The following LRRC69 variants were observed in gnomAD, a reference collection of about 807,000 sequenced individuals.
LRRC69 encodes the protein leucine rich repeat containing 69, also known as leucine-rich repeat-containing protein 69.
In LRRC69, 42 loss-of-function variants were observed where a neutral mutation model predicts 37.8. The ratio of observed to expected loss-of-function variants is 1.11; its 90% confidence interval spans 0.87 to 1.44. The LOEUF (loss-of-function observed/expected upper bound fraction) is 1.44. LRRC69 is among the 40% of genes most tolerant of loss of function. The pLI is 0.00. For synonymous variants in LRRC69, 141 were observed against 143.1 expected, an observed-to-expected ratio of 0.99 and a Z score of 0.11; for missense variants, 357 against 401.9, an observed-to-expected ratio of 0.89 and a Z score of 0.96.
chr8:91,196,607 G>A lies in LRRC69; in HGVS notation c.754-4006G>A, dbSNP rs544311419. ...CATTTCATTCATTTCATCTTCCATC[G>A]CTGATACCCTTTCTTCCAGTTGATC... is the stretch of plus-strand genomic sequence containing the variant. On this transcript the variant is annotated intron_variant, in intron 6 of 7. Transcript: ENST00000448384. Among the ~76,000 whole-genome samples the A allele has an allele frequency of 9.1e-3, 1,368 of 151,138 alleles. 15 individuals are homozygous for A. Among genetic ancestry groups the A allele is most frequent in the South Asian group, 0.041 (198 of 4,790 alleles).
intron 7 of LRRC69, among the ~76,000 whole-genome samples, chr8:91,217,609 C>T (rs1199950531): frequency 6.6e-6 from 1 of 152,082 alleles, no homozygotes; most frequent in Non-Finnish European, 1.5e-5. Flanking sequence ...GTTACATGGT[C>T]ATATATTGAG....
At chr8:91,119,397 T>C (rs1007673633) in intron 1 of LRRC69, among the ~76,000 whole-genome samples, 2 of 152,068 alleles carry the variant, frequency 1.3e-5, no homozygotes, top group Non-Finnish European at 2.9e-5. Context: ...TGAAGAATAT[T>C]CCCAGTCGCA....
chr8:91,127,601 CAAAAAAAAAAAAAAA>C (rs554876868), intron 3 of LRRC69, among the ~76,000 whole-genome samples: 5 of 66,570 alleles, frequency 7.5e-5, no homozygotes, highest in Non-Finnish European at 1.3e-4. Context: ...TGTCATTAAC[CAAAAAAAAAAAAAAA>C]AAAAAAAAAA....
At chr8:91,173,443 T>C (rs1478636129) in intron 5 of LRRC69, among the ~76,000 whole-genome samples, 4 of 152,210 alleles carry the variant, frequency 2.6e-5, no homozygotes, top group African/African-American at 9.6e-5. Context: ...TGTATTATTT[T>C]AAAAGTTATC....
intron 3 of LRRC69, among the ~76,000 whole-genome samples, chr8:91,127,958 T>C (rs1813749198): frequency 6.6e-6 from 1 of 152,080 alleles, no homozygotes; most frequent in African/African-American, 2.4e-5. Context: ...TTTCCAAATA[T>C]ATTTTTATAA....
rs564632221 is a variant in LRRC69 at position 91,133,405 on chromosome 8, C to T, written c.579+100C>T. On this transcript the variant is annotated intron_variant, in intron 4 of 7. Transcript: ENST00000448384. ...GATTTGGGTATCTGAGTATAAGCCA[C>T]CACTTGCTTTCTCTCAGATTAAATG... The T allele has an allele frequency of 7.8e-5, 62 of 794,740 alleles. No individual in the cohort carries two copies. The African/African-American group carries it at 1.0e-3, about 13-fold the overall frequency. 49.2% of individuals were successfully genotyped at this position (794,740 alleles called of 1,614,324 possible).
intron 5 of LRRC69, among the ~76,000 whole-genome samples, chr8:91,137,248 C>A (rs1808438436): frequency 6.6e-6 from 1 of 151,946 alleles, no homozygotes; most frequent in Non-Finnish European, 1.5e-5. Context: ...CTCTCTATGT[C>A]CTGCGATGCC....
intron 5 of LRRC69, among the ~76,000 whole-genome samples, chr8:91,159,058 C>A (rs537772551): frequency 6.6e-6 from 1 of 151,064 alleles, no homozygotes; most frequent in Non-Finnish European, 1.5e-5. Flanking sequence ...GATCTATGAC[C>A]AGATATTCTC....
At chr8:91,192,260 G>A (rs940042395) in intron 6 of LRRC69, among the ~76,000 whole-genome samples, 4 of 151,924 alleles carry the variant, frequency 2.6e-5, no homozygotes, top group Non-Finnish European at 5.9e-5. Flanking sequence ...GGACATTTGG[G>A]TTGGTTCCAA....
intron 6 of LRRC69, among the ~76,000 whole-genome samples, chr8:91,197,739 TGTCTGGCACTCCCTAGTGAGA>T (rs934414527): frequency 6.6e-6 from 1 of 151,790 alleles, no homozygotes; most frequent in African/African-American, 2.4e-5. Context: ...CGGCGCCCAC[TGTCTGGCACTCCCTAGTGAGA>T]TGAACCCGGT....
chr8:91,157,859 G>C, intron 5 of LRRC69: 2 of 1,603,706 alleles, frequency 1.2e-6, no homozygotes, highest in Admixed American at 3.4e-5. Flanking sequence ...AGAGCAGAAT[G>C]TTTCAAATGC....
chr8:91,134,950 T>C (rs1244066356), intron 4 of LRRC69, among the ~76,000 whole-genome samples: 1 of 151,990 alleles, frequency 6.6e-6, no homozygotes, highest in Non-Finnish European at 1.5e-5. Flanking sequence ...ATGCAAAGAT[T>C]TGAAAAAGAC....
chr8:91,158,166 C>A, intron 5 of LRRC69: 1 of 1,603,860 alleles, frequency 6.2e-7, no homozygotes, highest in Non-Finnish European at 8.5e-7. Context: ...CCAGAAAGAT[C>A]TGGAGCTGGA....
At chr8:91,203,359 G>A (rs80084943) in intron 7 of LRRC69, among the ~76,000 whole-genome samples, 1,947 of 152,040 alleles carry the variant, frequency 0.013, 49 homozygotes, top group African/African-American at 0.045. Flanking sequence ...TGCCAATAAA[G>A]GATCTGAGTT....
chr8:91,149,813 T>C (rs958241258), intron 5 of LRRC69, among the ~76,000 whole-genome samples: 1 of 151,922 alleles, frequency 6.6e-6, no homozygotes, highest in African/African-American at 2.4e-5. Context: ...CCCTTGTAAG[T>C]TGGATTCCTA....
At position 91,214,769 on chromosome 8, in the gene LRRC69, G is replaced by T. The variant is rs1007966701; in HGVS notation, c.934-4121G>T. On this transcript the variant is annotated intron_variant, in intron 7 of 7. Coordinates refer to ENST00000448384, the Ensembl canonical transcript of LRRC69. ...ACAGTATTAGTTTTCCATTGAAGCT[G>T]TTAACAAATTTCCCAAAGCTTGGTG... is the stretch of plus-strand genomic sequence containing the variant. Among the ~76,000 whole-genome samples the T allele has an allele frequency of 4.4e-4, 67 of 151,672 alleles. 1 individual carries two copies. Among genetic ancestry groups the T allele is most frequent in the African/African-American group, 1.6e-3 (65 of 41,418 alleles).
At chr8:91,210,457 T>C (rs1809888328) in intron 7 of LRRC69, among the ~76,000 whole-genome samples, 1 of 152,046 alleles carries the variant, frequency 6.6e-6, no homozygotes, top group Non-Finnish European at 1.5e-5. Flanking sequence ...AGATGAGGCT[T>C]TCCTTCTGTT....
intron 6 of LRRC69, among the ~76,000 whole-genome samples, chr8:91,191,185 A>T (rs1310659619): frequency 6.6e-6 from 1 of 151,980 alleles, no homozygotes; most frequent in Non-Finnish European, 1.5e-5. Context: ...GTAAAGTTTG[A>T]TTTATTTTTT....
intron 1 of LRRC69, among the ~76,000 whole-genome samples, chr8:91,113,752 T>G (rs1813452608): frequency 6.6e-6 from 1 of 151,478 alleles, no homozygotes; most frequent in Non-Finnish European, 1.5e-5. Context: ...AAGGAAACAA[T>G]CATCAGAATA....
Sources: gnomAD v4.1 joint callset for allele counts (sites outside exome capture counted in the v4.1 genomes callset) on GRCh38, gnomAD v4.1.1 for gene constraint, MANE v1.5 for transcripts, NCBI Gene and HGNC (gene_info 2026-07-23, HGNC 2026-07-21) for gene names.